GULP1: variants seen among roughly 807,000 people sequenced by gnomAD.
The protein encoded by GULP1 is PTB domain-containing engulfment adapter protein 1.
A neutral mutation model predicts 40.9 loss-of-function variants in GULP1; 19 were observed. The observed-to-expected ratio is 0.46, with a 90% CI of 0.32 to 0.68. The LOEUF is 0.68. Among genes scored for constraint, GULP1 ranks in the 30% least tolerant of loss-of-function variants. The pLI is 0.03. For missense variants in GULP1, 312 were observed against 362.2 expected, an observed-to-expected ratio of 0.86 and a Z score of 1.12; for synonymous variants, 119 against 117.6, an observed-to-expected ratio of 1.01 and a Z score of -0.08.
At chr2:188,589,773 A>T in intron 11 of GULP1, 4 of 1,264,774 alleles carry the variant, frequency 3.2e-6, no homozygotes, top group African/African-American at 1.5e-5. Context: ...TTTTTATAAT[A>T]ATTTTAAACA....
chr2:188,407,819 T>G (rs1246288934), intron 2 of GULP1, among the ~76,000 whole-genome samples: 1 of 152,148 alleles, frequency 6.6e-6, no homozygotes, highest in Non-Finnish European at 1.5e-5. Context: ...TGTTAATGGA[T>G]TAAATTCTCC....
At chr2:188,566,105 A>G (rs528747139) in intron 7 of GULP1, among the ~76,000 whole-genome samples, 1 of 152,238 alleles carries the variant, frequency 6.6e-6, no homozygotes, top group Admixed American at 6.5e-5. Flanking sequence ...TATATCTTAT[A>G]TGATTCATAA....
At chr2:188,571,267 G>A (rs2153434720) in intron 9 of GULP1, among the ~76,000 whole-genome samples, 1 of 152,286 alleles carries the variant, frequency 6.6e-6, no homozygotes, top group South Asian at 2.1e-4. Context: ...TAAACTCAAT[G>A]AAAATGTTCA....
At chr2:188,358,935 G>A (rs1400041735) in intron 1 of GULP1, among the ~76,000 whole-genome samples, 1 of 152,024 alleles carries the variant, frequency 6.6e-6, no homozygotes, top group Admixed American at 6.6e-5. Flanking sequence ...TAAATATGTA[G>A]TTGAAATGGA....
At chr2:188,381,460 A>T (rs1043447972) in intron 1 of GULP1, among the ~76,000 whole-genome samples, 2 of 152,180 alleles carry the variant, frequency 1.3e-5, no homozygotes, top group African/African-American at 4.8e-5. Context: ...TTTTGGAATT[A>T]GATCAATTGA....
chr2:188,408,654 T>C (rs1304702654), intron 2 of GULP1, among the ~76,000 whole-genome samples: 2 of 152,150 alleles, frequency 1.3e-5, no homozygotes, highest in Non-Finnish European at 2.9e-5. Flanking sequence ...TGAACTTCTG[T>C]TTAGACCAAG....
At position 188,371,515 on chromosome 2, in the gene GULP1, C is replaced by T. The variant is rs139102475; in HGVS notation, c.-171-12248C>T. 4.7e-3 allele frequency among the ~76,000 whole-genome samples: 711 copies of T among 152,170 alleles called. 5 individuals carry two copies. Among genetic ancestry groups the T allele is most frequent in the African/African-American group, 0.016 (676 of 41,526 alleles). On this transcript the variant is annotated intron_variant, in intron 1 of 11. Transcript: ENST00000409830. The stretch of plus-strand genomic sequence containing the variant: ...GTGGTGCTACTAACTCATCTTTCAA[C>T]GTTGATTTTCTCTTTGGTAAAAGAA...
intron 2 of GULP1, among the ~76,000 whole-genome samples, chr2:188,460,588 A>G (rs2059622306): frequency 1.3e-5 from 2 of 152,126 alleles, no homozygotes; most frequent in South Asian, 4.1e-4. Flanking sequence ...ATATCCTTTC[A>G]TCTGCAAATA....
intron 1 of GULP1, among the ~76,000 whole-genome samples, chr2:188,375,196 CAGTG>C (rs1196869953): frequency 2.6e-5 from 4 of 152,128 alleles, no homozygotes; most frequent in Admixed American, 2.0e-4. Flanking sequence ...TTTTACCGAG[CAGTG>C]TATGTATAAT....
chr2:188,292,315 C>T lies in GULP1; in HGVS notation c.-172+149C>T, dbSNP rs563498542. ...CCGGGAAGGAGGGCGCGGGGCTGCG[C>T]GTAGCCGCTGGCCAGCAGGTTGTAA... On this transcript the variant is annotated intron_variant, in intron 1 of 11. Coordinates refer to ENST00000409830, the MANE Select transcript of GULP1 (RefSeq NM_016315.4). This position sits in a 1 kb window ranked among gnomAD's most constrained non-coding sequence, Gnocchi z 4.0. 261 of 152,808 alleles carry T rather than the reference C, an allele frequency of 1.7e-3. No homozygotes were observed. The highest frequency in any genetic ancestry group is 4.2e-3 in the African/African-American group (173 of 41,582). The allele number at this position is 152,808 out of a possible 1,614,324, so 9.5% of individuals were successfully genotyped here. A position where few individuals can be genotyped will look rare whatever the true frequency, so the allele number is the denominator to read the frequency against.
At chr2:188,329,048 A>G (rs752514129) in intron 1 of GULP1, among the ~76,000 whole-genome samples, 3 of 151,716 alleles carry the variant, frequency 2.0e-5, no homozygotes, top group Non-Finnish European at 2.9e-5. Context: ...CACTGTATTT[A>G]TTCTCTCAGC....
chr2:188,565,860 T>C (rs1697527852), intron 7 of GULP1, among the ~76,000 whole-genome samples: 2 of 152,116 alleles, frequency 1.3e-5, no homozygotes, highest in Non-Finnish European at 2.9e-5. Context: ...ACCAATGTGT[T>C]ATTGATAAGT....
intron 1 of GULP1, among the ~76,000 whole-genome samples, chr2:188,310,452 A>C (rs1559096221): frequency 6.6e-6 from 1 of 152,226 alleles, no homozygotes; most frequent in African/African-American, 2.4e-5. Context: ...ATCAAGAAAA[A>C]GAAATAGAAT....
chr2:188,546,798 G>A (rs1476247340), intron 7 of GULP1, among the ~76,000 whole-genome samples: 2 of 151,930 alleles, frequency 1.3e-5, no homozygotes, highest in Non-Finnish European at 2.9e-5. Flanking sequence ...GTCACAAATT[G>A]TATTAATTTG....
chr2:188,591,720 T>C (rs1576341970), intron 11 of GULP1: 1 of 151,806 alleles, frequency 6.6e-6, no homozygotes, highest in East Asian at 1.9e-4. Context: ...TATATATTCA[T>C]ATTATCATTA....
chr2:188,344,418 C>G (rs900652542), intron 1 of GULP1, among the ~76,000 whole-genome samples: 2 of 152,240 alleles, frequency 1.3e-5, no homozygotes, highest in African/African-American at 4.8e-5. Flanking sequence ...TTGAGAACAT[C>G]TATTCTAATT....
chr2:188,589,892 G>A (rs564318556), intron 11 of GULP1: 1 of 419,602 alleles, frequency 2.4e-6, no homozygotes. Context: ...TGTTTAGAGA[G>A]GTTTTATAAA....
intron 1 of GULP1, among the ~76,000 whole-genome samples, chr2:188,306,633 G>C (rs2037144749): frequency 6.6e-6 from 1 of 152,088 alleles, no homozygotes; most frequent in African/African-American, 2.4e-5. Flanking sequence ...AGAGAATAGG[G>C]TAGAAAGAGA....
intron 2 of GULP1, among the ~76,000 whole-genome samples, chr2:188,418,550 T>C (rs955117757): frequency 2.0e-5 from 3 of 152,104 alleles, no homozygotes; most frequent in Non-Finnish European, 2.9e-5. Context: ...CAAGAATCAG[T>C]TGAACCTGGG....
Sources: allele counts gnomAD v4.1 joint callset (sites outside exome capture counted in the v4.1 genomes callset), GRCh38; gene constraint gnomAD v4.1.1; non-coding constraint Gnocchi (gnomAD v3.1); transcripts MANE v1.5; gene names NCBI Gene and HGNC (gene_info 2026-07-23, HGNC 2026-07-21).